Variants in ARID5B observed in about 807,000 individuals in gnomAD.
The protein encoded by ARID5B is AT-rich interaction domain 5B, also known as AT-rich interactive domain-containing protein 5B.
ARID5B carries 13 observed loss-of-function variants against 97.2 expected under a neutral mutation model. The ratio of observed to expected loss-of-function variants is 0.13; its 90% CI spans 0.09 to 0.21. The LOEUF (loss-of-function observed/expected upper bound fraction) is 0.21, where lower values mean the gene tolerates loss of function less well. Ranked by LOEUF, ARID5B falls within the 10% of genes least tolerant of loss-of-function variation. The probability of loss-of-function intolerance (pLI) is 1.00; values close to 1 mark genes in which losing one functional copy is unlikely to be tolerated. For synonymous variants in ARID5B, 556 were observed against 570.3 expected (o/e 0.97, Z 0.36); for missense variants, 1,210 against 1,465.3 (o/e 0.83, Z 2.84).
chr10:61,910,756 C>T (rs1843789590), intron 2 of ARID5B, among the ~76,000 whole-genome samples: 1 of 152,332 alleles, frequency 6.6e-6, no homozygotes, highest in Admixed American at 6.5e-5. Context: ...TAAATTAATT[C>T]TGCTTTTAAA....
intron 9 of ARID5B, among the ~76,000 whole-genome samples, chr10:62,090,134 G>A (rs1589293754): frequency 1.3e-5 from 2 of 152,220 alleles, no homozygotes; most frequent in South Asian, 4.1e-4. Flanking sequence ...TATATTTGCG[G>A]TGGCACTGAC....
chr10:61,952,644 C>T (rs1398361964), intron 3 of ARID5B, among the ~76,000 whole-genome samples: 2 of 152,162 alleles, frequency 1.3e-5, no homozygotes, highest in African/African-American at 4.8e-5. Flanking sequence ...TAGAGCACTT[C>T]CTAAGACACT....
chr10:61,902,033 C>A, intron 1 of ARID5B, 126 bp from the exon 2 acceptor site: 1 of 1,180,104 alleles, frequency 8.5e-7, no homozygotes. Flanking sequence ...TTTTTCCACC[C>A]AGCGTTATAT....
chr10:62,032,587 C>T (rs1453447333), intron 4 of ARID5B, among the ~76,000 whole-genome samples: 2 of 151,868 alleles, frequency 1.3e-5, no homozygotes, highest in Non-Finnish European at 1.5e-5. Flanking sequence ...TGGTGATGGG[C>T]GCCTGTAATC....
intron 4 of ARID5B, among the ~76,000 whole-genome samples, chr10:62,008,732 G>A (rs1468095329): frequency 6.6e-6 from 1 of 152,194 alleles, no homozygotes; most frequent in Non-Finnish European, 1.5e-5. Flanking sequence ...TCTCATCACA[G>A]AAACAGAAAT....
chr10:61,964,963 C>T (rs1406531364), intron 3 of ARID5B, among the ~76,000 whole-genome samples: 1 of 152,052 alleles, frequency 6.6e-6, no homozygotes, highest in East Asian at 1.9e-4. Flanking sequence ...CGCTAATGCC[C>T]AACAATAATA....
At chr10:61,970,813 A>C (rs1367062855) in intron 3 of ARID5B, among the ~76,000 whole-genome samples, 2 of 152,220 alleles carry the variant, frequency 1.3e-5, no homozygotes, top group Non-Finnish European at 2.9e-5. Flanking sequence ...GCTTGATCCC[A>C]AGATATGAAA....
At chr10:61,943,477 C>CT (rs147575677) in intron 3 of ARID5B, among the ~76,000 whole-genome samples, 17 of 149,030 alleles carry the variant, frequency 1.1e-4, no homozygotes, top group Non-Finnish European at 2.2e-4. Flanking sequence ...GAGGCCCCCC[C>CT]CCTTTTTTTC....
Position 62,093,851 on chromosome 10 carries a change from TGAAAAA to T in ARID5B, c.*826_*831del. 1 of 233,556 alleles carries T rather than the reference TGAAAAA, an allele frequency of 4.3e-6. No individual in the cohort carries two copies. 14.5% of individuals were successfully genotyped at this position (233,556 alleles called of 1,614,324 possible). ...AAGCAACTGATTCTAGTGGAACAAA[TGAAAAA>T]GAAACAGTCAAGCACACAATAGTGC... On this transcript the variant is annotated 3_prime_UTR_variant, in exon 10 of 10. Coordinates refer to ENST00000279873, the MANE Select transcript of ARID5B (RefSeq NM_032199.3).
At chr10:61,960,310 C>T (rs1043598026) in intron 3 of ARID5B, among the ~76,000 whole-genome samples, 4 of 152,188 alleles carry the variant, frequency 2.6e-5, no homozygotes, top group Non-Finnish European at 5.9e-5. Context: ...AAGCTCACAA[C>T]AGTAGGAAGT....
At chr10:61,957,944 G>C (rs959005777) in intron 3 of ARID5B, among the ~76,000 whole-genome samples, 1 of 152,170 alleles carries the variant, frequency 6.6e-6, no homozygotes, top group Non-Finnish European at 1.5e-5. Context: ...GAAAGAATAT[G>C]AAGACGAAAG....
chr10:61,926,690 C>A (rs917682777), intron 2 of ARID5B, among the ~76,000 whole-genome samples: 2 of 152,184 alleles, frequency 1.3e-5, no homozygotes, highest in Non-Finnish European at 2.9e-5. Context: ...CTCGCTGCAA[C>A]CTTCTCCTCC....
chr10:62,076,979 G>A (rs991663063), intron 8 of ARID5B, among the ~76,000 whole-genome samples: 11 of 152,114 alleles, frequency 7.2e-5, no homozygotes, highest in African/African-American at 2.7e-4. Flanking sequence ...CCCACAGAGG[G>A]CATCCTAGCC....
intron 3 of ARID5B, among the ~76,000 whole-genome samples, chr10:61,979,442 T>G (rs1838746573): frequency 2.6e-5 from 4 of 152,174 alleles, no homozygotes; most frequent in Admixed American, 2.6e-4. Flanking sequence ...ATGGGAGAAC[T>G]GGAGGAGGGC....
In ARID5B at chr10:62,090,958, G is replaced by C. The variant is rs139520430; in HGVS notation, c.1495G>C (p.Gly499Arg). Residue 499 changes from glycine (G) to arginine (R), a missense_variant, in exon 10 of 10, where the codon GGG (glycine) becomes CGG (arginine). Around this residue, in one of 8 missense-constraint regions of ARID5B, gnomAD observed 800 missense variants for 839.1 expected, o/e 0.95. Transcript: ENST00000279873. ...AGCAGACATGAAGAAAAAAATAGAA[G>C]GGTATCAGGAATTTTCAGCGAAGCC... ...PAADMKKKIEGYQEFSAKPLA... is the reference protein window; with the variant it reads ...PAADMKKKIERYQEFSAKPLA... The C allele has an allele frequency of 5.0e-6, 8 of 1,614,024 alleles. No individual in the cohort carries two copies. The highest frequency in any genetic ancestry group is 6.8e-6 in the Non-Finnish European group (8 of 1,180,034).
At position 62,000,005 on chromosome 10, in the gene ARID5B, G is replaced by A; in HGVS notation, c.503-86G>A. On this transcript the variant is annotated intron_variant, in intron 3 of 9. Transcript: ENST00000279873. The surrounding 1 kb of genome is among the most constrained non-coding windows in gnomAD (Gnocchi z 4.4). ...TGAGAGTCTTTTTAGTCCCAAACCAGAAGTGATTATTGAAATTATACCATG... is the reference window on the plus strand; with the variant it reads ...TGAGAGTCTTTTTAGTCCCAAACCAAAAGTGATTATTGAAATTATACCATG... The A allele has an allele frequency of 7.5e-7, 1 of 1,341,696 alleles. No individual in the cohort carries two copies. 83.1% of individuals were successfully genotyped at this position (1,341,696 alleles called of 1,614,324 possible).
rs2132985744 is a variant in ARID5B, at chr10:62,091,683, C to A, written c.2220C>A (p.Ser740Arg). Residue 740 changes from serine to arginine, a missense_variant, in exon 10 of 10, where the codon AGC (serine) becomes AGA (arginine). This residue lies in a region of ARID5B where 800 missense variants were observed against 839.1 expected (regional missense o/e 0.95). Transcript: ENST00000279873. ...SSLSQTHHGQ[S>R]TDHMAVSRPS... ...TGTCCCAGACCCACCATGGCCAAAG[C>A]ACTGACCATATGGCGGTCAGCCGGC... 1 of 1,614,146 alleles carries A rather than the reference C, an allele frequency of 6.2e-7. No individual in the cohort carries two copies. Among genetic ancestry groups the A allele is most frequent in the East Asian group, 2.2e-5 (1 of 44,876 alleles).
At chr10:61,939,296 C>G (rs1342006896) in intron 2 of ARID5B, among the ~76,000 whole-genome samples, 2 of 152,060 alleles carry the variant, frequency 1.3e-5, no homozygotes, top group African/African-American at 4.8e-5. Context: ...TCTTCTTGAG[C>G]CTTTTCCAAA....
chr10:61,950,197 G>A (rs1477388954), intron 3 of ARID5B, among the ~76,000 whole-genome samples: 7 of 152,108 alleles, frequency 4.6e-5, no homozygotes, highest in African/African-American at 1.2e-4. Context: ...TAGTAGAGAC[G>A]GGGTTTCACC....
Sources: allele counts gnomAD v4.1 joint callset (sites outside exome capture counted in the v4.1 genomes callset), GRCh38; gene constraint gnomAD v4.1.1; regional missense constraint gnomAD v4.1.1; non-coding constraint Gnocchi (gnomAD v3.1); transcripts MANE v1.5; gene names NCBI Gene and HGNC (gene_info 2026-07-23, HGNC 2026-07-21).